The following COL17A1 variants were observed in gnomAD, a reference collection of about 807,000 sequenced individuals.
The protein encoded by COL17A1 is collagen alpha-1(XVII) chain.
Under a neutral mutation model 218.4 loss-of-function variants are expected in COL17A1, and 181 were observed. The ratio of observed to expected loss-of-function variants is 0.83; its 90% CI spans 0.73 to 0.94. The LOEUF (loss-of-function observed/expected upper bound fraction) is 0.94. COL17A1 is among the 40% of genes least tolerant of loss of function. The pLI is 0.00. For synonymous variants in COL17A1, 721 were observed against 731.0 expected, an observed-to-expected ratio of 0.99 and a Z score of 0.22; for missense variants, 1,924 against 1,945.9, an observed-to-expected ratio of 0.99 and a Z score of 0.21.
intron 17 of COL17A1, 144 bp downstream of exon 17, chr10:104,056,831 C>A: frequency 2.0e-6 from 3 of 1,484,620 alleles, no homozygotes; most frequent in Non-Finnish European, 2.7e-6. Flanking sequence ...TACTCATCTG[C>A]GGTAACAAGG....
In COL17A1 at chr10:104,052,883, G is replaced by T; in HGVS notation, c.1939+148C>A. Reference sequence around the variant, plus strand: ...AGCCTATGCCCAGCGTCTCTGCAGGGCCTAGCACAGACCCTGACTCAGGGT... The same window carrying T: ...AGCCTATGCCCAGCGTCTCTGCAGGTCCTAGCACAGACCCTGACTCAGGGT... On this transcript the variant is annotated intron_variant, in intron 23 of 55. Transcript: ENST00000648076. 3 of 989,116 alleles carry T rather than the reference G, an allele frequency of 3.0e-6. No individual in the cohort carries two copies. In the South Asian group the frequency reaches 3.9e-5, roughly 13 times the overall value. 61.3% of individuals were successfully genotyped at this position (989,116 alleles called of 1,614,324 possible).
chr10:104,079,389 A>ATGTG (rs144772803), intron 2 of COL17A1, among the ~76,000 whole-genome samples: 1 of 150,618 alleles, frequency 6.6e-6, no homozygotes, highest in Admixed American at 6.6e-5. Context: ...GTGTGCATGT[A>ATGTG]TGTGTGTGTG....
chr10:104,033,459 A>G (rs1181850855), intron 52 of COL17A1, 84 bp from the exon 53 acceptor site: 1 of 1,509,944 alleles, frequency 6.6e-7, no homozygotes, highest in East Asian at 2.4e-5. Flanking sequence ...TCCGAGTGTC[A>G]AACTCCCAAA....
At chr10:104,051,034 T>C in intron 25 of COL17A1, 133 bp from the exon 26 acceptor site, 2 of 1,479,968 alleles carry the variant, frequency 1.4e-6, no homozygotes, top group Non-Finnish European at 1.8e-6. Flanking sequence ...AAGGATGCTT[T>C]CCATGGACTC....
chr10:104,077,369 C>T, intron 4 of COL17A1, 53 bp downstream of exon 4: 1 of 1,428,150 alleles, frequency 7.0e-7, no homozygotes, highest in Non-Finnish European at 9.8e-7. Context: ...TTCTTGGTGT[C>T]TCTCTCTTTG....
intron 3 of COL17A1, 112 bp from the exon 4 acceptor site, chr10:104,077,638 T>C (rs2134658828): frequency 1.2e-6 from 1 of 823,026 alleles, no homozygotes; most frequent in East Asian, 2.6e-5. Context: ...CCTTCTTAGT[T>C]TGGGGTTCCT....
chr10:104,063,470 C>T (rs927038505), intron 11 of COL17A1: 13 of 485,496 alleles, frequency 2.7e-5, no homozygotes, highest in Admixed American at 1.9e-4. Flanking sequence ...ACGATGATTC[C>T]GTTAGACCCT....
intron 51 of COL17A1, 33 bp downstream of exon 51, chr10:104,034,577 GGCCTGCGGGGT>G: frequency 6.3e-7 from 1 of 1,596,804 alleles, no homozygotes; most frequent in Middle Eastern, 1.7e-4. Context: ...GGAAAAGCAA[GGCCTGCGGGGT>G]GCCTGGTGGG....
intron 9 of COL17A1, among the ~76,000 whole-genome samples, chr10:104,068,016 A>G (rs1465280108): frequency 2.6e-5 from 4 of 152,090 alleles, no homozygotes; most frequent in Non-Finnish European, 5.9e-5. Flanking sequence ...GGAGATGGGG[A>G]GACAAAGGTG....
intron 23 of COL17A1, among the ~76,000 whole-genome samples, chr10:104,052,630 TC>T (rs574188748): frequency 1.1e-4 from 16 of 152,104 alleles, no homozygotes; most frequent in Non-Finnish European, 1.6e-4. Flanking sequence ...TCTGGGGCCT[TC>T]CCCACCTCCC....
intron 17 of COL17A1, among the ~76,000 whole-genome samples, chr10:104,056,353 G>T (rs995178942): frequency 3.9e-5 from 6 of 152,042 alleles, no homozygotes; most frequent in East Asian, 1.9e-4. Context: ...GAGGCCAAGG[G>T]GGGCAGATCA....
At chr10:104,085,054 C>T (rs2086794497) in intron 1 of COL17A1, among the ~76,000 whole-genome samples, 1 of 152,094 alleles carries the variant, frequency 6.6e-6, no homozygotes, top group Non-Finnish European at 1.5e-5. Context: ...GGAGGAAACC[C>T]AAGTTGACTC....
Position 104,034,234 on chromosome 10 carries a change from A to C in COL17A1, c.3867T>G (p.Ser1289Arg). Residue 1289 changes from serine to arginine, a missense_variant, in exon 52 of 56, where the codon AGT becomes AGG. By Grantham distance (110) the Ser-to-Arg change is moderately radical. Coordinates refer to ENST00000648076, the MANE Select transcript of COL17A1 (RefSeq NM_000494.4). ...TGTGTGAGGAGGAGCTGCTACCCCG[A>C]CTGTGGGAGGCATCCGTGGACAGGA... is the stretch of plus-strand genomic sequence containing the variant. ...SRLLSTDASHSRGSSSSSHSS... is the reference protein window; with the variant it reads ...SRLLSTDASHRRGSSSSSHSS... 1 of 1,611,600 alleles carries C rather than the reference A, an allele frequency of 6.2e-7. No homozygotes were observed. Among genetic ancestry groups the C allele is most frequent in the Non-Finnish European group, 8.5e-7 (1 of 1,179,620 alleles).
intron 41 of COL17A1, 66 bp downstream of exon 41, chr10:104,039,907 T>C: frequency 6.3e-7 from 1 of 1,596,690 alleles, no homozygotes; most frequent in South Asian, 1.1e-5. Flanking sequence ...TCAAAGCTCT[T>C]GGGAGGTGAG....
At chr10:104,056,408 C>T (rs1347004738) in intron 17 of COL17A1, among the ~76,000 whole-genome samples, 1 of 152,008 alleles carries the variant, frequency 6.6e-6, no homozygotes, top group East Asian at 1.9e-4. Context: ...CAGTGAAACC[C>T]CATCTCTACT....
At chr10:104,055,602 G>A (rs1045266778) in intron 18 of COL17A1, among the ~76,000 whole-genome samples, 180 bp downstream of exon 18, 1 of 152,162 alleles carries the variant, frequency 6.6e-6, no homozygotes, top group Non-Finnish European at 1.5e-5. Context: ...TTTTCCAGGA[G>A]TAAAGTGGGA....
intron 20 of COL17A1, 92 bp from the exon 21 acceptor site, chr10:104,054,210 C>A: frequency 7.5e-7 from 1 of 1,328,216 alleles, no homozygotes; most frequent in South Asian, 1.3e-5. Context: ...GTAGGGTTGC[C>A]AAACTTAGGA....
In COL17A1 at chr10:104,032,270, G is replaced by C. The variant is rs1316347816; in HGVS notation, c.4459C>G (p.Arg1487Gly). Residue 1487 changes from arginine (R) to glycine (G), a missense_variant, in exon 56 of 56, where the codon CGG becomes GGG. By Grantham distance (125) the Arg-to-Gly change is moderately radical (BLOSUM62 -2). Coordinates refer to ENST00000648076, the MANE Select transcript of COL17A1 (RefSeq NM_000494.4). ...GDKGDQVYAG[R>G]RRRRSIAVKP ...ACAGCAATACTTCTTCTCCTTCTCCGCCCAGCATAGACTTGGTCACCTGAA... is the reference window on the plus strand; with the variant it reads ...ACAGCAATACTTCTTCTCCTTCTCCCCCCAGCATAGACTTGGTCACCTGAA... 1.2e-6 allele frequency: 2 copies of C among 1,613,756 alleles called. No individual in the cohort carries two copies. Among genetic ancestry groups the C allele is most frequent in the Non-Finnish European group, 1.7e-6 (2 of 1,179,820 alleles).
intron 30 of COL17A1, 58 bp downstream of exon 30, chr10:104,048,011 A>C: frequency 6.2e-7 from 1 of 1,603,110 alleles, no homozygotes; most frequent in Non-Finnish European, 8.5e-7. Flanking sequence ...TGAGGGCTGC[A>C]TGCTGGAACA....
Sources: allele counts gnomAD v4.1 joint callset (sites outside exome capture counted in the v4.1 genomes callset), GRCh38; gene constraint gnomAD v4.1.1; transcripts MANE v1.5; gene names NCBI Gene and HGNC (gene_info 2026-07-23, HGNC 2026-07-21).